The following MAST4 variants were observed in gnomAD, a reference collection of about 807,000 sequenced individuals.
The protein encoded by MAST4 is microtubule-associated serine/threonine-protein kinase 4.
A neutral mutation model predicts 162.7 loss-of-function variants in MAST4; 89 were observed. That is an observed-to-expected ratio of 0.55 (90% confidence interval 0.46 to 0.65). The LOEUF is 0.65. MAST4 is among the 30% of genes least tolerant of loss of function. The pLI, the probability that MAST4 is intolerant of heterozygous loss-of-function variation, is 0.00. For synonymous variants in MAST4, 1,479 were observed against 1,361.1 expected (o/e 1.09, Z -1.91); for missense variants, 3,153 against 3,374.0 (o/e 0.93, Z 1.62).
intron 1 of MAST4, among the ~76,000 whole-genome samples, chr5:66,613,119 A>G (rs931670639): frequency 2.6e-5 from 4 of 152,120 alleles, no homozygotes; most frequent in Non-Finnish European, 5.9e-5. Context: ...GTCTTGCTGT[A>G]TAGCCCAGGC....
intron 3 of MAST4, among the ~76,000 whole-genome samples, chr5:66,795,355 G>T (rs1755599543): frequency 6.6e-6 from 1 of 152,194 alleles, no homozygotes; most frequent in Non-Finnish European, 1.5e-5. Context: ...ATGGTGGTGA[G>T]TGGATTTTAA....
In MAST4 at chr5:67,144,666, C is replaced by T. The variant is rs757859113; in HGVS notation, c.2731-3C>T. The T allele has an allele frequency of 9.3e-6, 15 of 1,612,454 alleles. No individual in the cohort carries two copies. The highest frequency in any genetic ancestry group is 1.3e-5 in the Non-Finnish European group (15 of 1,179,448). The stretch of plus-strand genomic sequence containing the variant: ...TAATAAGCACCAATTATTTGCCTTC[C>T]AGGTTTTCAGCAGTATAGATCGAAT... On this transcript the variant is annotated splice_region_variant and splice_polypyrimidine_tract_variant and intron_variant, in intron 21 of 28. Transcript: ENST00000403625.
At chr5:67,088,964 A>C (rs1226832124) in intron 5 of MAST4, among the ~76,000 whole-genome samples, 1 of 152,212 alleles carries the variant, frequency 6.6e-6, no homozygotes, top group African/African-American at 2.4e-5. Context: ...GTGTTAGTCT[A>C]TTCTTTCTGC....
chr5:67,128,759 G>C (rs1768560359), intron 14 of MAST4, among the ~76,000 whole-genome samples: 1 of 151,996 alleles, frequency 6.6e-6, no homozygotes, highest in South Asian at 2.1e-4. Flanking sequence ...TTCAGGGATG[G>C]CTAAGTAACT....
intron 4 of MAST4, among the ~76,000 whole-genome samples, chr5:66,916,714 A>G (rs909056656): frequency 4.6e-5 from 7 of 152,140 alleles, no homozygotes; most frequent in Admixed American, 4.6e-4. Flanking sequence ...TACCTGTCTT[A>G]AACAAGATGT....
intron 1 of MAST4, among the ~76,000 whole-genome samples, chr5:66,713,314 G>GA (rs1240006008): frequency 1.3e-5 from 2 of 152,186 alleles, no homozygotes; most frequent in African/African-American, 4.8e-5. Flanking sequence ...GTAATCTGCT[G>GA]ATGGTGATCT....
chr5:66,798,892 T>C (rs1476717565), intron 3 of MAST4, among the ~76,000 whole-genome samples: 3 of 152,174 alleles, frequency 2.0e-5, no homozygotes, highest in Non-Finnish European at 4.4e-5. Flanking sequence ...TTGACATTTT[T>C]CCCCCTTTGG....
chr5:67,163,570 G>A lies in MAST4; in HGVS notation c.4391G>A (p.Arg1464His). The A allele has an allele frequency of 6.3e-7, 1 of 1,593,998 alleles. No homozygotes were observed. Among genetic ancestry groups the A allele is most frequent in the Non-Finnish European group, 8.5e-7 (1 of 1,170,746 alleles). Reference sequence around the variant, plus strand: ...AGTGACAAGAAGCACCTGTGCTCCCGCAAGCACAGCCTGGAGGTGACCCAA... The same window carrying A: ...AGTGACAAGAAGCACCTGTGCTCCCACAAGCACAGCCTGGAGGTGACCCAA... ...YGSDKKHLCS[R>H]KHSLEVTQEE... Residue 1464 changes from arginine to histidine, a missense_variant, in exon 29 of 29, where the codon CGC becomes CAC. This residue lies in a region of MAST4 where 619 missense variants were observed against 744.2 expected (regional missense o/e 0.83). Transcript: ENST00000403625. The surrounding 1 kb of genome is among the most constrained non-coding windows in gnomAD (Gnocchi z 7.0).
chr5:66,692,321 CCT>C (rs1554043141), intron 1 of MAST4, among the ~76,000 whole-genome samples: 5 of 152,192 alleles, frequency 3.3e-5, no homozygotes, highest in Admixed American at 1.3e-4. Flanking sequence ...TTCTGTATCC[CCT>C]GTCTCCCTAT....
chr5:67,091,327 G>A (rs1763845399), intron 6 of MAST4, among the ~76,000 whole-genome samples: 1 of 152,132 alleles, frequency 6.6e-6, no homozygotes, highest in South Asian at 2.1e-4. Flanking sequence ...TAGTTTAGTT[G>A]TTTCCCATCA....
chr5:66,872,589 C>T (rs747934666), intron 3 of MAST4, among the ~76,000 whole-genome samples: 1 of 152,144 alleles, frequency 6.6e-6, no homozygotes, highest in Non-Finnish European at 1.5e-5. Context: ...CCCTTCCCGC[C>T]GAGCCGCAGA....
intron 1 of MAST4, among the ~76,000 whole-genome samples, chr5:66,633,426 A>G (rs1413504553): frequency 6.6e-6 from 1 of 152,170 alleles, no homozygotes; most frequent in Non-Finnish European, 1.5e-5. Flanking sequence ...ACATGCAGTG[A>G]TCTAACCAGA....
At position 67,061,791 on chromosome 5, in the gene MAST4, T is replaced by TTTTCC. The variant is rs780208069; in HGVS notation, c.763+7301_763+7305dup. Among the ~76,000 whole-genome samples, 159 of 151,614 alleles carry TTTTCC rather than the reference T, an allele frequency of 1.0e-3. 1 individual carries two copies. The highest frequency in any genetic ancestry group is 9.8e-3 in the South Asian group (47 of 4,788). On this transcript the variant is annotated intron_variant, in intron 5 of 28. Coordinates refer to ENST00000403625, the MANE Select transcript of MAST4 (RefSeq NM_001164664.2). Reference sequence around the variant, plus strand: ...TTAGTCTGTCAGTATAGGATGATGGTTTTCCTAAGCAGTGAAGAAGTTCTT... The same window carrying TTTTCC: ...TTAGTCTGTCAGTATAGGATGATGGTTTTCCTTTCCTAAGCAGTGAAGAAGTTCTT...
At chr5:66,941,142 C>T (rs751283103) in intron 4 of MAST4, among the ~76,000 whole-genome samples, 15 of 151,966 alleles carry the variant, frequency 9.9e-5, no homozygotes, top group Non-Finnish European at 1.6e-4. Flanking sequence ...AGCAGATTTA[C>T]CATAATTTTG....
intron 3 of MAST4, among the ~76,000 whole-genome samples, chr5:66,802,428 G>A (rs962950063): frequency 6.6e-6 from 1 of 151,952 alleles, no homozygotes. Context: ...AAACTTTATG[G>A]GACTTAGTGT....
At chr5:66,645,202 T>G (rs1745749847) in intron 1 of MAST4, among the ~76,000 whole-genome samples, 1 of 152,162 alleles carries the variant, frequency 6.6e-6, no homozygotes, top group South Asian at 2.1e-4. Flanking sequence ...ATGATAAAAC[T>G]AAGGCCCAGA....
intron 4 of MAST4, among the ~76,000 whole-genome samples, chr5:66,934,581 T>A (rs1160938366): frequency 1.3e-5 from 2 of 152,110 alleles, no homozygotes; most frequent in African/African-American, 4.8e-5. Context: ...TCCCTGAATT[T>A]TTTTTTTTCA....
chr5:66,658,309 C>T (rs1456091362), intron 1 of MAST4, among the ~76,000 whole-genome samples: 2 of 152,168 alleles, frequency 1.3e-5, no homozygotes, highest in Non-Finnish European at 2.9e-5. Context: ...CCTGTCTGGA[C>T]TAAAAAGGAA....
At position 67,162,802 on chromosome 5, in the gene MAST4, C is replaced by T; in HGVS notation, c.3967+14C>T. ...ACTTCCCATCTGGTGAGTGAGTCTCCTGGTCTAAACAGCAGAGGGGAGGGG... is the reference window on the plus strand; with the variant it reads ...ACTTCCCATCTGGTGAGTGAGTCTCTTGGTCTAAACAGCAGAGGGGAGGGG... On this transcript the variant is annotated intron_variant, in intron 28 of 28. Transcript: ENST00000403625. 1.2e-6 allele frequency: 2 copies of T among 1,611,928 alleles called. No individual in the cohort carries two copies. Among genetic ancestry groups the T allele is most frequent in the Non-Finnish European group, 1.7e-6 (2 of 1,178,632 alleles).
Sources: allele counts gnomAD v4.1 joint callset (sites outside exome capture counted in the v4.1 genomes callset), GRCh38; gene constraint gnomAD v4.1.1; regional missense constraint gnomAD v4.1.1; non-coding constraint Gnocchi (gnomAD v3.1); transcripts MANE v1.5; gene names NCBI Gene and HGNC (gene_info 2026-07-23, HGNC 2026-07-21).